The following SPON1 variants were observed in gnomAD, a reference collection of about 807,000 sequenced individuals.
SPON1 encodes spondin 1.
A neutral mutation model predicts 111.7 loss-of-function variants in SPON1; 52 were observed. That is an observed-to-expected ratio of 0.47 (90% CI 0.37 to 0.59). The LOEUF (loss-of-function observed/expected upper bound fraction) is 0.59. SPON1 is among the 20% of genes least tolerant of loss of function. The probability of loss-of-function intolerance (pLI) is 0.00; values close to 1 mark genes in which losing one functional copy is unlikely to be tolerated. For missense variants in SPON1, 957 were observed against 1,068.5 expected (o/e 0.90, Z 1.46); for synonymous variants, 410 against 395.8 (o/e 1.04, Z -0.43).
At chr11:14,066,447 G>C (rs1848832959) in intron 3 of SPON1, among the ~76,000 whole-genome samples, 1 of 152,142 alleles carries the variant, frequency 6.6e-6, no homozygotes, top group Non-Finnish European at 1.5e-5. Context: ...AAATAGTCCT[G>C]TTAACTATCT....
At chr11:14,139,300 A>G (rs1211075377) in intron 6 of SPON1, among the ~76,000 whole-genome samples, 1 of 152,092 alleles carries the variant, frequency 6.6e-6, no homozygotes, top group African/African-American at 2.4e-5. Context: ...ATCCCTTAGG[A>G]CTTAGCTTAG....
chr11:14,068,370 G>C (rs1554920553), intron 3 of SPON1, among the ~76,000 whole-genome samples: 1 of 152,160 alleles, frequency 6.6e-6, no homozygotes, highest in East Asian at 1.9e-4. Context: ...TGCGAATTGA[G>C]AGCTTGAGAA....
chr11:14,117,711 T>C (rs1554926131), intron 5 of SPON1, among the ~76,000 whole-genome samples: 1 of 152,210 alleles, frequency 6.6e-6, no homozygotes, highest in Admixed American at 6.5e-5. Context: ...TAGACTTAGT[T>C]AAATAGACTT....
intron 2 of SPON1, among the ~76,000 whole-genome samples, chr11:14,027,543 A>C (rs1471535243): frequency 6.6e-6 from 1 of 152,230 alleles, no homozygotes; most frequent in Non-Finnish European, 1.5e-5. Flanking sequence ...GGACCTCAGC[A>C]AACTGAGTTT....
At chr11:14,262,450 A>T (rs989520339) in intron 14 of SPON1, 1 of 534,836 alleles carries the variant, frequency 1.9e-6, no homozygotes, top group Non-Finnish European at 3.4e-6. Context: ...ACACATCCTG[A>T]AAGTCCTCCA....
intron 5 of SPON1, among the ~76,000 whole-genome samples, chr11:14,108,934 G>T (rs1554925165): frequency 1.3e-5 from 2 of 152,092 alleles, no homozygotes; most frequent in Admixed American, 6.6e-5. Context: ...TATCCTAGGG[G>T]CTGAGCAACA....
At chr11:14,122,374 C>T (rs1197918299) in intron 5 of SPON1, among the ~76,000 whole-genome samples, 1 of 152,090 alleles carries the variant, frequency 6.6e-6, no homozygotes, top group South Asian at 2.1e-4. Flanking sequence ...AGGGTTTCAC[C>T]GTGTTAGCCA....
At position 14,267,718 on chromosome 11, in the gene SPON1, C is replaced by T. The variant is rs1230053658; in HGVS notation, c.*2031C>T. The T allele has an allele frequency of 6.6e-6, 1 of 152,164 alleles. No homozygotes were observed. Among genetic ancestry groups the T allele is most frequent in the Admixed American group, 6.6e-5 (1 of 15,258 alleles). The allele number at this position is 152,164 out of a possible 1,614,324, so 9.4% of individuals were successfully genotyped here. On this transcript the variant is annotated 3_prime_UTR_variant, in exon 16 of 16. Coordinates refer to ENST00000576479, the MANE Select transcript of SPON1 (RefSeq NM_006108.4). Reference sequence around the variant, plus strand: ...GCAATGGGGAATTTATAAGAAGCATCAAGTCTCTTTCTTACCAAAGTCTTG... The same window carrying T: ...GCAATGGGGAATTTATAAGAAGCATTAAGTCTCTTTCTTACCAAAGTCTTG...
chr11:14,258,524 C>T (rs536693150), intron 11 of SPON1, among the ~76,000 whole-genome samples: 1 of 152,322 alleles, frequency 6.6e-6, no homozygotes, highest in African/African-American at 2.4e-5. Context: ...CCTGATAGAT[C>T]TACGCTATTC....
chr11:13,979,814 T>C (rs1255816718), intron 1 of SPON1, among the ~76,000 whole-genome samples: 5 of 152,164 alleles, frequency 3.3e-5, no homozygotes, highest in African/African-American at 9.7e-5. Flanking sequence ...GTATCCTTAG[T>C]GTTTGTTACT....
In SPON1 at chr11:14,122,544, A is replaced by G. The variant is rs963076177; in HGVS notation, c.677-12876A>G. On this transcript the variant is annotated intron_variant, in intron 5 of 15. Coordinates refer to ENST00000576479, the MANE Select transcript of SPON1 (RefSeq NM_006108.4). ...CTGGAACTCCAATTACCACTATGTT[A>G]AACCACTTGTTTTTATTCCACAGTC... 1.4e-4 allele frequency among the ~76,000 whole-genome samples: 21 copies of G among 152,178 alleles called. 1 individual carries two copies. The highest frequency in any genetic ancestry group is 2.2e-4 in the Non-Finnish European group (15 of 68,034).
At chr11:13,965,368 G>T (rs549616462) in intron 1 of SPON1, among the ~76,000 whole-genome samples, 1 of 152,184 alleles carries the variant, frequency 6.6e-6, no homozygotes, top group African/African-American at 2.4e-5. Flanking sequence ...TGTACCCAGC[G>T]TCTCTTTTCA....
chr11:14,123,442 G>T (rs1208176186), intron 5 of SPON1, among the ~76,000 whole-genome samples: 2 of 152,078 alleles, frequency 1.3e-5, no homozygotes, highest in African/African-American at 4.8e-5. Flanking sequence ...CTACTAAATT[G>T]TAGCCTTTCT....
At chr11:14,142,895 T>G (rs11023108) in intron 6 of SPON1, among the ~76,000 whole-genome samples, 60,038 of 151,806 alleles carry the variant, frequency 0.4, 12,084 homozygotes, top group East Asian at 0.54. Flanking sequence ...GGCATCAGGC[T>G]GAGACGACCA....
chr11:14,126,694 G>T (rs562190727), intron 5 of SPON1, among the ~76,000 whole-genome samples: 56 of 152,246 alleles, frequency 3.7e-4, no homozygotes, highest in South Asian at 1.0e-3. Context: ...ATAGTCTGCC[G>T]CTTCCCCCTA....
intron 3 of SPON1, among the ~76,000 whole-genome samples, chr11:14,053,891 T>C (rs1848725706): frequency 6.6e-6 from 1 of 152,212 alleles, no homozygotes; most frequent in Non-Finnish European, 1.5e-5. Flanking sequence ...TGTTCCTTCA[T>C]CTGGAAGAAG....
intron 6 of SPON1, chr11:14,224,641 T>C (rs782545263): frequency 1.3e-5 from 4 of 302,000 alleles, no homozygotes; most frequent in Non-Finnish European, 2.7e-5. Context: ...CATGTAGCAC[T>C]CTCATATCTA....
chr11:14,067,340 C>T (rs574527531), intron 3 of SPON1, among the ~76,000 whole-genome samples: 1 of 152,164 alleles, frequency 6.6e-6, no homozygotes, highest in Non-Finnish European at 1.5e-5. Flanking sequence ...CATTTAAGAG[C>T]AGCATTCATT....
intron 4 of SPON1, 139 bp from the exon 5 acceptor site, chr11:14,079,760 C>T: frequency 2.4e-6 from 2 of 817,190 alleles, no homozygotes; most frequent in Non-Finnish European, 3.8e-6. Flanking sequence ...AAGTACTGAT[C>T]TGGCTCTAAG....
Sources: gnomAD v4.1 joint callset for allele counts (sites outside exome capture counted in the v4.1 genomes callset) on GRCh38, gnomAD v4.1.1 for gene constraint, MANE v1.5 for transcripts, NCBI Gene and HGNC (gene_info 2026-07-23, HGNC 2026-07-21) for gene names.